The following ABCC5 variants were observed in gnomAD, a reference collection of about 807,000 sequenced individuals.
The protein encoded by ABCC5 is ATP-binding cassette sub-family C member 5.
Under a neutral mutation model 160.9 loss-of-function variants are expected in ABCC5, and 61 were observed. The observed-to-expected ratio is 0.38, with a 90% CI of 0.31 to 0.47. The LOEUF is 0.47. ABCC5 is among the 20% of genes least tolerant of loss of function. The probability of loss-of-function intolerance (pLI) is 0.99; values close to 1 mark genes in which losing one functional copy is unlikely to be tolerated. For synonymous variants in ABCC5, 666 were observed against 700.6 expected (o/e 0.95, Z 0.78); for missense variants, 1,308 against 1,813.3 (o/e 0.72, Z 5.06).
chr3:183,976,980 G>C (rs1036090532), intron 10 of ABCC5, among the ~76,000 whole-genome samples: 1 of 152,200 alleles, frequency 6.6e-6, no homozygotes, highest in African/African-American at 2.4e-5. Context: ...CTAACCACCT[G>C]CAAGAAAAGA....
chr3:183,951,635 C>T lies in ABCC5; in HGVS notation c.2815-65G>A. 4 of 1,581,402 alleles carry T rather than the reference C, an allele frequency of 2.5e-6. No individual in the cohort carries two copies. Among genetic ancestry groups the T allele is most frequent in the Middle Eastern group, 2.0e-4 (1 of 5,054 alleles). Reference sequence around the variant, plus strand: ...GCTCTGTTCCTACTGGTCCAGAGAACCGCTCCGCAGCACATCCACTCCCAA... The same window carrying T: ...GCTCTGTTCCTACTGGTCCAGAGAATCGCTCCGCAGCACATCCACTCCCAA... On this transcript the variant is annotated intron_variant, in intron 19 of 29. Transcript: ENST00000334444. The surrounding 1 kb of genome is among the most constrained non-coding windows in gnomAD (Gnocchi z 4.7).
chr3:184,014,662 T>C (rs1223483922), intron 1 of ABCC5, among the ~76,000 whole-genome samples: 3 of 151,976 alleles, frequency 2.0e-5, no homozygotes, highest in East Asian at 1.9e-4. Context: ...CAAGAAAAAT[T>C]ACCTTCTCCC....
At chr3:183,984,430 G>A (rs1719018585) in intron 5 of ABCC5, 1 of 1,008,024 alleles carries the variant, frequency 9.9e-7, no homozygotes, top group African/African-American at 1.7e-5. Context: ...AGAGCTGAAT[G>A]ACAGACAAAA....
intron 27 of ABCC5, 59 bp downstream of exon 27, chr3:183,928,688 C>A: frequency 2.7e-6 from 4 of 1,482,414 alleles, no homozygotes; most frequent in Non-Finnish European, 3.8e-6. Flanking sequence ...GTGGCAAGGG[C>A]ACTGCTGTGC....
In ABCC5 at chr3:183,970,841, G is replaced by A. The variant is rs116763879; in HGVS notation, c.1761+722C>T. Among the ~76,000 whole-genome samples the A allele has an allele frequency of 4.8e-3, 728 of 152,256 alleles. 7 individuals carry two copies. Among genetic ancestry groups the A allele is most frequent in the African/African-American group, 0.016 (674 of 41,538 alleles). On this transcript the variant is annotated intron_variant, in intron 11 of 29. Coordinates refer to ENST00000334444, the MANE Select transcript of ABCC5 (RefSeq NM_005688.4). ...TAGAATGTAAACTCCAAGAAGGACG[G>A]GATTTTTGTCTGTTTGGGTTTTTGT... is the stretch of plus-strand genomic sequence containing the variant.
At chr3:183,938,285 G>A (rs1713943359) in intron 25 of ABCC5, among the ~76,000 whole-genome samples, 2 of 152,100 alleles carry the variant, frequency 1.3e-5, no homozygotes, top group Admixed American at 6.6e-5. Flanking sequence ...AGAAGGAAGG[G>A]AAGGGACCAT....
At chr3:183,961,692 G>C in intron 15 of ABCC5, 38 bp from the exon 16 acceptor site, 2 of 1,611,056 alleles carry the variant, frequency 1.2e-6, no homozygotes, top group Non-Finnish European at 1.7e-6. Context: ...TATGCTGTTT[G>C]TGCAAATACA....
rs1718768961 is a variant in ABCC5 at position 183,981,816 on chromosome 3, T to C, written c.1058A>G (p.Glu353Gly). ...AACTTCATTCATCTTCTGGACACGT[T>C]CATCCGTGGCGGCCACGCATTTTCT... Reference protein sequence around the residue: ...FRRKCVAATDERVQKMNEVLT... With the variant: ...FRRKCVAATDGRVQKMNEVLT... Residue 353 changes from glutamate (E) to glycine (G), a missense_variant, in exon 8 of 30, where the codon GAA (glutamate) becomes GGA (glycine). By Grantham distance (98) the Glu-to-Gly change is moderately conservative. This residue lies in a region of ABCC5 where 1,142 missense variants were observed against 1,527.1 expected (regional missense o/e 0.75). Coordinates refer to ENST00000334444, the MANE Select transcript of ABCC5 (RefSeq NM_005688.4). 3.7e-6 allele frequency: 6 copies of C among 1,612,126 alleles called. No individual in the cohort carries two copies. The highest frequency in any genetic ancestry group is 5.1e-6 in the Non-Finnish European group (6 of 1,179,536).
rs1026073087 is a variant in ABCC5, at chr3:183,985,131, T to G, written c.592-2124A>C. 8.6e-6 allele frequency: 6 copies of G among 696,120 alleles called. No individual in the cohort carries two copies. In the African/African-American group the frequency reaches 9.0e-5, roughly 10 times the overall value. 43.1% of individuals were successfully genotyped at this position (696,120 alleles called of 1,614,324 possible). The stretch of plus-strand genomic sequence containing the variant: ...TAAATAACAATGACATTTCAAACCA[T>G]TTTTTAGGGGATAAAGAAAAAAGAG... On this transcript the variant is annotated intron_variant, in intron 5 of 29. Transcript: ENST00000334444.
chr3:183,941,587 A>G (rs542692675), intron 25 of ABCC5, among the ~76,000 whole-genome samples: 1 of 152,076 alleles, frequency 6.6e-6, no homozygotes, highest in South Asian at 2.1e-4. Flanking sequence ...CATGGAGCCT[A>G]GAAAACTAAT....
chr3:183,991,757 T>A (rs1719786827), intron 2 of ABCC5, among the ~76,000 whole-genome samples: 1 of 152,216 alleles, frequency 6.6e-6, no homozygotes, highest in African/African-American at 2.4e-5. Flanking sequence ...ATTTAGTGGT[T>A]AGGGACTACG....
chr3:183,922,684 C>T (rs1302081709), intron 29 of ABCC5, among the ~76,000 whole-genome samples: 1 of 152,228 alleles, frequency 6.6e-6, no homozygotes, highest in Non-Finnish European at 1.5e-5. Flanking sequence ...AATGCATGTA[C>T]TCAACTTTCT....
chr3:183,956,840 G>A (rs377309130), intron 17 of ABCC5, among the ~76,000 whole-genome samples: 5 of 37,684 alleles, frequency 1.3e-4, no homozygotes, highest in Admixed American at 2.5e-4. Flanking sequence ...AAATCACATC[G>A]GTTACATGCA....
At position 183,951,876 on chromosome 3, in the gene ABCC5, C is replaced by T; in HGVS notation, c.2795G>A (p.Arg932Gln). Residue 932 changes from arginine (R) to glutamine (Q), a missense_variant, in exon 19 of 30, where the codon CGA becomes CAA. Physicochemically the swap from Arg to Gln is conservative, Grantham distance 43. Coordinates refer to ENST00000334444, the MANE Select transcript of ABCC5 (RefSeq NM_005688.4). This position sits in a 1 kb window ranked among gnomAD's most constrained non-coding sequence, Gnocchi z 4.7. ...GCATACCTTGACAAAGACAACTCCT[C>T]GAATGGCTTTCAGGATCAGCATGAC... is the stretch of plus-strand genomic sequence containing the variant. Reference protein sequence around the residue: ...MAVMLILKAIRGVVFVKGTLR... With the variant: ...MAVMLILKAIQGVVFVKGTLR... The T allele has an allele frequency of 6.2e-7, 1 of 1,613,724 alleles. No individual in the cohort carries two copies. The highest frequency in any genetic ancestry group is 8.5e-7 in the Non-Finnish European group (1 of 1,179,788).
chr3:183,983,907 A>G (rs1644522855), intron 5 of ABCC5: 1 of 985,240 alleles, frequency 1.0e-6, no homozygotes, highest in Non-Finnish European at 1.2e-6. Flanking sequence ...CTAACAGGTC[A>G]TCTGGTCTCC....
At chr3:183,955,126 C>T (rs1252155420) in intron 17 of ABCC5, among the ~76,000 whole-genome samples, 1 of 152,090 alleles carries the variant, frequency 6.6e-6, no homozygotes, top group African/African-American at 2.4e-5. Context: ...ATGTGAATGT[C>T]TCCTATCAAA....
At chr3:183,947,633 G>T in intron 22 of ABCC5, 123 bp from the exon 23 acceptor site, 1 of 779,518 alleles carries the variant, frequency 1.3e-6, no homozygotes, top group Non-Finnish European at 1.9e-6. Context: ...CTAACTGAGA[G>T]AATGCCCTGG....
chr3:183,976,482 T>C (rs533604674), intron 10 of ABCC5, among the ~76,000 whole-genome samples: 4 of 152,246 alleles, frequency 2.6e-5, no homozygotes, highest in African/African-American at 7.2e-5. Context: ...CTTGAACTCC[T>C]GGGCTCAAGT....
Position 183,971,764 on chromosome 3 carries a change from CTT to C in ABCC5, c.1558_1559del (p.Lys520GlufsTer17). 6.2e-7 allele frequency: 1 copy of C among 1,614,212 alleles called. No individual in the cohort carries two copies. Among genetic ancestry groups the C allele is most frequent in the Non-Finnish European group, 8.5e-7 (1 of 1,180,042 alleles). ...TCTCTTTCTTGCCCCTGGAAGCCCTCTTGTCTTTTTTCATTTTGGGGGTCAGC... is the reference window on the plus strand; with the variant it reads ...TCTCTTTCTTGCCCCTGGAAGCCCTCGTCTTTTTTCATTTTGGGGGTCAGC... The part of the protein sequence containing the change: ...PKLTPKMKKD[K>X]RASRGKKEKV... On this transcript the variant is annotated frameshift_variant, in exon 11 of 30. Transcript: ENST00000334444. LOFTEE classifies it high-confidence loss of function.
Sources: gnomAD v4.1 joint callset for allele counts (sites outside exome capture counted in the v4.1 genomes callset) on GRCh38, gnomAD v4.1.1 for gene constraint, gnomAD v4.1.1 regional missense constraint, Gnocchi (gnomAD v3.1) non-coding constraint, MANE v1.5 for transcripts, NCBI Gene and HGNC (gene_info 2026-07-23, HGNC 2026-07-21) for gene names.